Variants in CNST observed in about 807,000 individuals in gnomAD.
The protein encoded by CNST is consortin, connexin sorting protein.
Under a neutral mutation model 72.4 loss-of-function variants are expected in CNST, and 39 were observed. That is an observed-to-expected ratio of 0.54 (90% confidence interval 0.42 to 0.70). The LOEUF (loss-of-function observed/expected upper bound fraction) is 0.70. Among genes scored for constraint, CNST ranks in the 30% least tolerant of loss-of-function variants. The pLI, the probability that CNST is intolerant of heterozygous loss-of-function variation, is 0.00. For synonymous variants in CNST, 332 were observed against 320.1 expected, an observed-to-expected ratio of 1.04 and a Z score of -0.40; for missense variants, 871 against 868.5, an observed-to-expected ratio of 1.00 and a Z score of -0.04.
chr1:246,574,235 A>C lies in CNST; in HGVS notation c.-52+7572A>C, dbSNP rs903726892. Reference sequence around the variant, plus strand: ...TTTTTGTATTTTTATTAGAGACGGGATTTCACCGTGTTAGCCAGGATGGTC... The same window carrying C: ...TTTTTGTATTTTTATTAGAGACGGGCTTTCACCGTGTTAGCCAGGATGGTC... On this transcript the variant is annotated intron_variant, in intron 1 of 10. Coordinates refer to ENST00000366513, the MANE Select transcript of CNST (RefSeq NM_152609.3). Among the ~76,000 whole-genome samples the C allele has an allele frequency of 1.3e-4, 19 of 151,946 alleles. No homozygotes were observed. The East Asian group carries it at 3.5e-3, about 28-fold the overall frequency.
At chr1:246,593,078 G>A (rs1661652697) in intron 2 of CNST, among the ~76,000 whole-genome samples, 1 of 151,820 alleles carries the variant, frequency 6.6e-6, no homozygotes. Flanking sequence ...CTCTTCTTTG[G>A]TTAATTAGAA....
chr1:246,616,465 G>T (rs1663699868), intron 2 of CNST, among the ~76,000 whole-genome samples: 2 of 152,152 alleles, frequency 1.3e-5, no homozygotes, highest in Admixed American at 6.5e-5. Context: ...CACTGAGGTG[G>T]GAGGGTCGCT....
intron 6 of CNST, among the ~76,000 whole-genome samples, chr1:246,635,011 T>G (rs1293243568): frequency 3.6e-5 from 4 of 111,656 alleles, no homozygotes; most frequent in Admixed American, 1.9e-4. Context: ...TGCTTCTGCT[T>G]CTCGCTGACG....
intron 1 of CNST, among the ~76,000 whole-genome samples, chr1:246,579,042 T>C (rs1450515611): frequency 6.6e-6 from 1 of 152,264 alleles, no homozygotes; most frequent in Non-Finnish European, 1.5e-5. Context: ...GTTATTCTCA[T>C]ACTCTGGTAT....
intron 2 of CNST, among the ~76,000 whole-genome samples, chr1:246,603,784 GA>G (rs1356474026): frequency 2.0e-5 from 3 of 152,180 alleles, no homozygotes; most frequent in South Asian, 2.1e-4. Context: ...GCAGTAGGGG[GA>G]TGGGGTGACA....
At chr1:246,585,172 C>T (rs1661052021) in intron 1 of CNST, among the ~76,000 whole-genome samples, 1 of 152,158 alleles carries the variant, frequency 6.6e-6, no homozygotes, top group African/African-American at 2.4e-5. Context: ...TCTTGGAAGA[C>T]CTCGAACTCT....
chr1:246,606,450 C>T (rs1215320519), intron 2 of CNST: 1 of 152,104 alleles, frequency 6.6e-6, no homozygotes, highest in African/African-American at 2.4e-5. Flanking sequence ...ACATGTTAAA[C>T]TTAGCACAGA....
intron 8 of CNST, among the ~76,000 whole-genome samples, chr1:246,643,812 A>G (rs12117791): frequency 0.18 from 27,127 of 152,166 alleles, 4,268 homozygotes; most frequent in African/African-American, 0.43. Context: ...CTCCGAATGT[A>G]GTTTGGAACT....
chr1:246,636,427 C>T (rs4654123), intron 6 of CNST, among the ~76,000 whole-genome samples: 63,481 of 149,472 alleles, frequency 0.42, 14,580 homozygotes, highest in Non-Finnish European at 0.53. Flanking sequence ...TTCACTCCTG[C>T]GGGCTCCCCC....
rs1442697462 is a variant in CNST, at chr1:246,647,543, T to G, written c.1342T>G (p.Ser448Ala). Residue 448 changes from serine to alanine, a missense_variant, in exon 9 of 11, where the codon TCT becomes GCT. Coordinates refer to ENST00000366513, the MANE Select transcript of CNST (RefSeq NM_152609.3). The part of the protein sequence containing the change: ...GCDRIPPALI[S>A]EGKYSQAQRK... ...TGACCGTATACCTCCTGCATTGATTTCTGAGGGTAAATATTCACAGGCTCA... is the reference window on the plus strand; with the variant it reads ...TGACCGTATACCTCCTGCATTGATTGCTGAGGGTAAATATTCACAGGCTCA... 1 of 1,614,238 alleles carries G rather than the reference T, an allele frequency of 6.2e-7. No homozygotes were observed. The highest frequency in any genetic ancestry group is 1.1e-5 in the South Asian group (1 of 91,084).
chr1:246,640,249 G>C (rs1665598664), intron 6 of CNST, among the ~76,000 whole-genome samples: 1 of 152,156 alleles, frequency 6.6e-6, no homozygotes, highest in Non-Finnish European at 1.5e-5. Context: ...GAGATGAGCA[G>C]TTCAGATGGA....
At chr1:246,662,294 C>T (rs1480498214) in intron 10 of CNST, among the ~76,000 whole-genome samples, 2 of 152,184 alleles carry the variant, frequency 1.3e-5, no homozygotes, top group African/African-American at 4.8e-5. Context: ...CCAATGCTAT[C>T]CCCTGGAAAT....
chr1:246,575,030 C>T (rs936156913), intron 1 of CNST, among the ~76,000 whole-genome samples: 11 of 150,604 alleles, frequency 7.3e-5, no homozygotes, highest in African/African-American at 2.7e-4. Context: ...GAGTCTCACT[C>T]TGTTGCCCAG....
intron 1 of CNST, among the ~76,000 whole-genome samples, chr1:246,575,956 T>G (rs1248037665): frequency 3.3e-5 from 5 of 151,776 alleles, no homozygotes; most frequent in Admixed American, 6.6e-5. Context: ...CTGGGCGCGG[T>G]GGCTCGCGCC....
intron 1 of CNST, among the ~76,000 whole-genome samples, chr1:246,577,341 C>T (rs1660496880): frequency 6.6e-6 from 1 of 151,978 alleles, no homozygotes; most frequent in East Asian, 1.9e-4. Context: ...CTACTGGTAC[C>T]TCCTTATTCC....
Position 246,645,466 on chromosome 1 carries a change from C to T in CNST, c.938-1673C>T, listed in dbSNP as rs562377466. Among the ~76,000 whole-genome samples, 327 of 126,728 alleles carry T rather than the reference C, an allele frequency of 2.6e-3. 2 individuals carry two copies. Among genetic ancestry groups the T allele is most frequent in the African/African-American group, 9.3e-3 (300 of 32,408 alleles). 83.1% of individuals were successfully genotyped at this position (126,728 alleles called of 152,430 possible). On this transcript the variant is annotated intron_variant, in intron 8 of 10. Coordinates refer to ENST00000366513, the MANE Select transcript of CNST (RefSeq NM_152609.3). ...TTTTTGAGATGGAGTCTCGCTCTGT[C>T]GCCCAGGCTGGAGTGCAGTGGCGCA...
chr1:246,652,344 A>C (rs1666491030), intron 9 of CNST, among the ~76,000 whole-genome samples: 1 of 152,176 alleles, frequency 6.6e-6, no homozygotes, highest in Non-Finnish European at 1.5e-5. Flanking sequence ...GGGGGTGCGC[A>C]CTCAGCTTGT....
Position 246,667,743 on chromosome 1 carries a change from A to G in CNST, c.*1838A>G, listed in dbSNP as rs1475908149. 1 of 152,222 alleles carries G rather than the reference A, an allele frequency of 6.6e-6. No homozygotes were observed. The highest frequency in any genetic ancestry group is 1.5e-5 in the Non-Finnish European group (1 of 68,042). The allele number at this position is 152,222 out of a possible 1,614,324, so 9.4% of individuals were successfully genotyped here. ...AAGTTCTACTGTGATGGACATCCTC[A>G]TCATAGACAAACCTCCTCTGTTTTA... On this transcript the variant is annotated 3_prime_UTR_variant, in exon 11 of 11. Coordinates refer to ENST00000366513, the MANE Select transcript of CNST (RefSeq NM_152609.3).
intron 1 of CNST, among the ~76,000 whole-genome samples, chr1:246,589,697 T>G (rs1307834051): frequency 6.6e-6 from 1 of 152,222 alleles, no homozygotes; most frequent in East Asian, 1.9e-4. Context: ...CATACTGTCT[T>G]CCACAATGGT....
Sources: allele counts gnomAD v4.1 joint callset (sites outside exome capture counted in the v4.1 genomes callset), GRCh38; gene constraint gnomAD v4.1.1; transcripts MANE v1.5; gene names NCBI Gene and HGNC (gene_info 2026-07-23, HGNC 2026-07-21).